The following ZC3H3 variants were observed in gnomAD, a reference collection of about 807,000 sequenced individuals.
ZC3H3 encodes the protein zinc finger CCCH domain-containing protein 3.
A neutral mutation model predicts 77.3 loss-of-function variants in ZC3H3; 36 were observed. The ratio of observed to expected loss-of-function variants is 0.47; its 90% confidence interval spans 0.36 to 0.61. The LOEUF (loss-of-function observed/expected upper bound fraction) is 0.61. Among genes scored for constraint, ZC3H3 ranks in the 20% least tolerant of loss-of-function variants. The pLI is 0.00. For synonymous variants in ZC3H3, 626 were observed against 555.2 expected (o/e 1.13, Z -1.79); for missense variants, 1,331 against 1,312.2 (o/e 1.01, Z -0.22).
chr8:143,534,349 C>T (rs1336249104), intron 3 of ZC3H3, among the ~76,000 whole-genome samples: 1 of 151,844 alleles, frequency 6.6e-6, no homozygotes, highest in Non-Finnish European at 1.5e-5. Flanking sequence ...GCAGCAGCCC[C>T]TCAGCTGTGC....
intron 9 of ZC3H3, among the ~76,000 whole-genome samples, chr8:143,449,151 T>C (rs1316144786): frequency 6.6e-6 from 1 of 152,222 alleles, no homozygotes; most frequent in Admixed American, 6.5e-5. Flanking sequence ...GGGTCTGACA[T>C]GAAGGTCTCT....
chr8:143,499,978 C>T (rs1821476746), intron 4 of ZC3H3, among the ~76,000 whole-genome samples: 1 of 152,194 alleles, frequency 6.6e-6, no homozygotes, highest in African/African-American at 2.4e-5. Context: ...CCCCTGGCCC[C>T]CCACCAGAGC....
chr8:143,489,560 G>GCC (rs755188834), intron 4 of ZC3H3, among the ~76,000 whole-genome samples: 16 of 152,174 alleles, frequency 1.1e-4, no homozygotes, highest in Non-Finnish European at 1.9e-4. Flanking sequence ...GGGGCGCCTT[G>GCC]CCCCTGTCCC....
At chr8:143,521,646 G>C (rs1390633759) in intron 3 of ZC3H3, among the ~76,000 whole-genome samples, 1 of 152,194 alleles carries the variant, frequency 6.6e-6, no homozygotes, top group African/African-American at 2.4e-5. Context: ...CCCTATCCAA[G>C]CAGCCTCCCC....
intron 4 of ZC3H3, among the ~76,000 whole-genome samples, chr8:143,499,752 G>A (rs1453680137): frequency 2.0e-5 from 3 of 152,154 alleles, no homozygotes; most frequent in South Asian, 4.1e-4. Context: ...CCTGGGGACC[G>A]GGCCAAGCTA....
intron 11 of ZC3H3, among the ~76,000 whole-genome samples, 180 bp from the exon 12 acceptor site, chr8:143,438,267 A>G (rs1819636282): frequency 6.6e-6 from 1 of 152,186 alleles, no homozygotes; most frequent in Non-Finnish European, 1.5e-5. Context: ...CACAGGCTTC[A>G]GCTTCTGCCC....
rs1820292958 is a variant in ZC3H3 at position 143,462,528 on chromosome 8, C to T, written c.2307+3189G>A. On this transcript the variant is annotated intron_variant, in intron 9 of 11. Coordinates refer to ENST00000262577, the MANE Select transcript of ZC3H3 (RefSeq NM_015117.3). The surrounding 1 kb of genome is among the most constrained non-coding windows in gnomAD (Gnocchi z 4.7). Reference sequence around the variant, plus strand: ...GGCGCTGTCCAGAGGACACAGGAGCCCTTGCAAGCCTGGAGGATGAAGGCA... The same window carrying T: ...GGCGCTGTCCAGAGGACACAGGAGCTCTTGCAAGCCTGGAGGATGAAGGCA... 6.6e-6 allele frequency among the ~76,000 whole-genome samples: 1 copy of T among 152,208 alleles called. No individual in the cohort carries two copies. The highest frequency in any genetic ancestry group is 1.5e-5 in the Non-Finnish European group (1 of 68,038).
In ZC3H3 at chr8:143,437,815, G is replaced by C; in HGVS notation, c.*241C>G. 1 of 577,410 alleles carries C rather than the reference G, an allele frequency of 1.7e-6. No individual in the cohort carries two copies. Among genetic ancestry groups the C allele is most frequent in the Non-Finnish European group, 3.1e-6 (1 of 325,712 alleles). The allele number at this position is 577,410 out of a possible 1,614,324, so 35.8% of individuals were successfully genotyped here. A position where few individuals can be genotyped will look rare whatever the true frequency, so the allele number is the denominator to read the frequency against. ...GGGGACAGGCCTGGAGGCCAGCCCTGCCTGGCACCCTGGAAGGTGGTGGGG... is the reference window on the plus strand; with the variant it reads ...GGGGACAGGCCTGGAGGCCAGCCCTCCCTGGCACCCTGGAAGGTGGTGGGG... On this transcript the variant is annotated 3_prime_UTR_variant, in exon 12 of 12. Transcript: ENST00000262577.
At chr8:143,534,442 C>T (rs1416652198) in intron 3 of ZC3H3, among the ~76,000 whole-genome samples, 1 of 151,902 alleles carries the variant, frequency 6.6e-6, no homozygotes, top group Non-Finnish European at 1.5e-5. Context: ...CCGAGCAAGG[C>T]CCCACCAGCA....
chr8:143,521,617 G>A (rs963562929), intron 3 of ZC3H3, among the ~76,000 whole-genome samples: 1 of 152,182 alleles, frequency 6.6e-6, no homozygotes, highest in Non-Finnish European at 1.5e-5. Flanking sequence ...CAGGCATGGA[G>A]GACTTCCTGG....
rs537253257 is a variant in ZC3H3, at chr8:143,472,715, G to T, written c.1903+2683C>A. ...CAACAAACGTGGGCCACAGGATCCC[G>T]GCGAGGGCTGAGACGACCCAAGGGC... On this transcript the variant is annotated intron_variant, in intron 5 of 11. Transcript: ENST00000262577. Among the ~76,000 whole-genome samples, 238 of 152,342 alleles carry T rather than the reference G, an allele frequency of 1.6e-3. 1 individual carries two copies. The highest frequency in any genetic ancestry group is 5.5e-3 in the African/African-American group (230 of 41,572).
At chr8:143,491,106 CA>C (rs1415411245) in intron 4 of ZC3H3, among the ~76,000 whole-genome samples, 1 of 152,170 alleles carries the variant, frequency 6.6e-6, no homozygotes, top group Non-Finnish European at 1.5e-5. Flanking sequence ...GCCCAGGCAC[CA>C]ACTGGCAGAC....
At chr8:143,475,234 C>T (rs566859222) in intron 5 of ZC3H3, among the ~76,000 whole-genome samples, 164 bp downstream of exon 5, 2 of 152,358 alleles carry the variant, frequency 1.3e-5, no homozygotes, top group East Asian at 3.9e-4. Flanking sequence ...TTTGGACTGG[C>T]TCCCTGGGAG....
At position 143,533,300 on chromosome 8, in the gene ZC3H3, G is replaced by A. The variant is rs758070937; in HGVS notation, c.1561+2957C>T. The stretch of plus-strand genomic sequence containing the variant: ...GTAAGCTCGTTCCCACCTCCACCTC[G>A]GCCTCAGAGCTGAGCCCTATTCGCT... On this transcript the variant is annotated intron_variant, in intron 3 of 11. Coordinates refer to ENST00000262577, the MANE Select transcript of ZC3H3 (RefSeq NM_015117.3). This position sits in a 1 kb window ranked among gnomAD's most constrained non-coding sequence, Gnocchi z 4.0. Among the ~76,000 whole-genome samples, 7 of 152,068 alleles carry A rather than the reference G, an allele frequency of 4.6e-5. No individual in the cohort carries two copies. Among genetic ancestry groups the A allele is most frequent in the African/African-American group, 1.4e-4 (6 of 41,404 alleles).
At chr8:143,486,537 C>G (rs1821057952) in intron 4 of ZC3H3, among the ~76,000 whole-genome samples, 4 of 152,190 alleles carry the variant, frequency 2.6e-5, no homozygotes, top group Non-Finnish European at 2.9e-5. Context: ...GTTTGAAGAC[C>G]CCATCCCCAA....
At chr8:143,451,995 C>T (rs567088223) in intron 9 of ZC3H3, among the ~76,000 whole-genome samples, 3 of 152,284 alleles carry the variant, frequency 2.0e-5, no homozygotes, top group Middle Eastern at 3.4e-3. Flanking sequence ...CTGCTTCCTG[C>T]CCCATCCAAG....
rs576624003 is a variant in ZC3H3, at chr8:143,462,144, C to A, written c.2307+3573G>T. Among the ~76,000 whole-genome samples the A allele has an allele frequency of 1.3e-5, 2 of 152,176 alleles. No individual in the cohort carries two copies. The highest frequency in any genetic ancestry group is 2.9e-5 in the Non-Finnish European group (2 of 68,018). Reference sequence around the variant, plus strand: ...GTAGGGAGGCCTCCCTGTGCCAGGGCCACCCAGGACACTGCCAGGCCCACT... The same window carrying A: ...GTAGGGAGGCCTCCCTGTGCCAGGGACACCCAGGACACTGCCAGGCCCACT... On this transcript the variant is annotated intron_variant, in intron 9 of 11. Transcript: ENST00000262577. The surrounding 1 kb of genome is among the most constrained non-coding windows in gnomAD (Gnocchi z 4.7).
At chr8:143,465,514 C>T (rs1820385265) in intron 9 of ZC3H3, among the ~76,000 whole-genome samples, 1 of 152,234 alleles carries the variant, frequency 6.6e-6, no homozygotes, top group African/African-American at 2.4e-5. Context: ...TCCCATGGTT[C>T]AAACCCCGCC....
chr8:143,512,697 C>T (rs558741796), intron 3 of ZC3H3, among the ~76,000 whole-genome samples: 1 of 152,352 alleles, frequency 6.6e-6, no homozygotes, highest in Admixed American at 6.5e-5. Flanking sequence ...CACTCACTGG[C>T]TGGGCCTCTT....
Sources: gnomAD v4.1 joint callset for allele counts (sites outside exome capture counted in the v4.1 genomes callset) on GRCh38, gnomAD v4.1.1 for gene constraint, Gnocchi (gnomAD v3.1) non-coding constraint, MANE v1.5 for transcripts, NCBI Gene and HGNC (gene_info 2026-07-23, HGNC 2026-07-21) for gene names.